LZTS2: variants seen among roughly 807,000 people sequenced by gnomAD.
LZTS2 encodes leucine zipper tumor suppressor 2, also known as leucine zipper putative tumor suppressor 2.
A neutral mutation model predicts 60.6 loss-of-function variants in LZTS2; 32 were observed. That is an observed-to-expected ratio of 0.53 (90% CI 0.40 to 0.71). LZTS2 has a LOEUF of 0.71. Among genes scored for constraint, LZTS2 ranks in the 30% least tolerant of loss-of-function variants. The pLI is 0.00. For missense variants in LZTS2, 792 were observed against 901.9 expected (o/e 0.88, Z 1.56); for synonymous variants, 360 against 393.1 (o/e 0.92, Z 1.00).
At chr10:100,999,400 C>T (rs1851979874), upstream of LZTS2, 2 of 152,294 alleles carry the variant, frequency 1.3e-5, no homozygotes, top group Admixed American at 1.3e-4. Context: ...GACGGCCGGC[C>T]ATCGGCCTCT....
chr10:101,004,205 GACAT>G, intron 2 of LZTS2, 39 bp downstream of exon 3: 1 of 1,562,012 alleles, frequency 6.4e-7, no homozygotes, highest in East Asian at 2.3e-5. Flanking sequence ...GGCATGGCAG[GACAT>G]CCCAAGGCCC....
At chr10:100,999,393 G>A (rs1851979724), upstream of LZTS2, 1 of 152,270 alleles carries the variant, frequency 6.6e-6, no homozygotes, top group Non-Finnish European at 1.5e-5. Context: ...AGTGGGGGAC[G>A]GCCGGCCATC....
At chr10:101,006,431 G>C (rs1852199741) in intron 3 of LZTS2, 54 bp from the exon 5 acceptor site, 1 of 1,546,022 alleles carries the variant, frequency 6.5e-7, no homozygotes, top group African/African-American at 1.4e-5. Context: ...TGCAGGGCCT[G>C]TCCCCCCAGG....
chr10:100,997,459 A>G (rs987002864), upstream of LZTS2, among the ~76,000 whole-genome samples: 3 of 152,212 alleles, frequency 2.0e-5, no homozygotes, highest in African/African-American at 7.2e-5. Context: ...GGACACGCGA[A>G]CACACATGCA....
At chr10:100,999,105 G>C (rs1026997703), upstream of LZTS2, 6 of 152,402 alleles carry the variant, frequency 3.9e-5, no homozygotes, top group African/African-American at 1.4e-4. Flanking sequence ...GCTCCTCTCC[G>C]ATAAATGACC....
In LZTS2 at chr10:101,005,229, G is replaced by A. The variant is rs371311709; in HGVS notation, c.1069-229G>A. 5.3e-5 allele frequency among the ~76,000 whole-genome samples: 8 copies of A among 152,264 alleles called. No individual in the cohort carries two copies. The South Asian group carries it at 8.3e-4, about 16-fold the overall frequency. On this transcript the variant is annotated intron_variant, in intron 2 of 3. Transcript: ENST00000370220. ...GTTGCCTAGGCTGGTCTCGAACTCC[G>A]GAGCTTAAGTGATCCACCCACCTCG...
exon 4 of LZTS2, chr10:101,007,644 C>T: frequency 8.6e-7 from 1 of 1,162,024 alleles, no homozygotes. Context: ...CAGCCTCTCT[C>T]CTGGAGTGAG....
At chr10:101,003,463 G>A in intron 1 of LZTS2, 44 bp from the exon 3 acceptor site, 1 of 1,508,336 alleles carries the variant, frequency 6.6e-7, no homozygotes, top group Non-Finnish European at 8.9e-7. Flanking sequence ...GGCTCTGCAA[G>A]ATTGGGCAGC....
chr10:101,003,309 T>C, intron 1 of LZTS2, 198 bp from the exon 3 acceptor site: 2 of 554,780 alleles, frequency 3.6e-6, no homozygotes, highest in East Asian at 6.1e-5. Flanking sequence ...ATGGGGATAG[T>C]GATCATATTT....
At chr10:101,003,355 C>A in intron 1 of LZTS2, 152 bp from the exon 3 acceptor site, 1 of 708,990 alleles carries the variant, frequency 1.4e-6, no homozygotes, top group Non-Finnish European at 2.2e-6. Context: ...TTGCTTGACA[C>A]AAAGCTGACA....
chr10:101,005,079 C>T (rs1852141801), intron 2 of LZTS2, among the ~76,000 whole-genome samples: 2 of 152,140 alleles, frequency 1.3e-5, no homozygotes, highest in African/African-American at 4.8e-5. Flanking sequence ...TTTCAGCTCC[C>T]TGTAGCCTCA....
upstream of LZTS2, chr10:100,998,523 AG>A (rs59144241): frequency 2.3e-3 from 345 of 152,086 alleles, no homozygotes; most frequent in Non-Finnish European, 3.9e-3. Context: ...GTGGCCTGGA[AG>A]GGGGGGATGC....
rs1410628597 is a variant in LZTS2 at position 101,005,721 on chromosome 10, C to T, written c.1326+6C>T. 1.6e-5 allele frequency: 25 copies of T among 1,556,350 alleles called. No individual in the cohort carries two copies. Among genetic ancestry groups the T allele is most frequent in the Non-Finnish European group, 2.0e-5 (23 of 1,146,508 alleles). Reference sequence around the variant, plus strand: ...TTGAGGAGACCAAGTGGGAGGTGGGCCAGACCAGGAGGGGCAGGGAGCAGG... The same window carrying T: ...TTGAGGAGACCAAGTGGGAGGTGGGTCAGACCAGGAGGGGCAGGGAGCAGG... On this transcript the variant is annotated splice_donor_region_variant and intron_variant, in intron 3 of 3. Transcript: ENST00000370220.
exon 4 of LZTS2, chr10:101,007,790 A>G (rs911293133): frequency 2.3e-6 from 1 of 427,172 alleles, no homozygotes; most frequent in African/African-American, 2.2e-5. Context: ...AATTTCTTGT[A>G]CAAACCCAAA....
At chr10:101,006,405 A>G in intron 3 of LZTS2, 80 bp from the exon 5 acceptor site, 1 of 1,483,736 alleles carries the variant, frequency 6.7e-7, no homozygotes, top group Non-Finnish European at 9.0e-7. Flanking sequence ...TTCTCTCCCA[A>G]ATGCCCAGCA....
exon 1 of LZTS2, chr10:101,002,304 G>T (rs1590033678): frequency 4.7e-6 from 2 of 426,708 alleles, no homozygotes; most frequent in Non-Finnish European, 8.2e-6. Context: ...TCACTCCTCA[G>T]CCCTGTTCAG....
intron 3 of LZTS2, among the ~76,000 whole-genome samples, chr10:101,006,213 C>A (rs1170932304): frequency 2.6e-5 from 4 of 152,176 alleles, no homozygotes; most frequent in African/African-American, 7.2e-5. Context: ...AGTCCCCAGT[C>A]CCCAGTCCCC....
chr10:100,999,634 C>A (rs1370004614), exon 1 of LZTS2: 3 of 152,122 alleles, frequency 2.0e-5, no homozygotes, highest in African/African-American at 7.2e-5. Context: ...GGGAGGGCTC[C>A]CGACTGCCGC....
chr10:101,007,375 G>A (rs983692088), exon 4 of LZTS2: 43 of 1,417,878 alleles, frequency 3.0e-5, no homozygotes, highest in Admixed American at 1.2e-4. Context: ...AAAGGTCCCC[G>A]TGTTCACTGT....
Sources: allele counts gnomAD v4.1 joint callset (sites outside exome capture counted in the v4.1 genomes callset), GRCh38; gene constraint gnomAD v4.1.1; transcripts MANE v1.5; gene names NCBI Gene and HGNC (gene_info 2026-07-23, HGNC 2026-07-21).